Variants in CLVS1 observed in about 807,000 individuals in gnomAD.
The protein encoded by CLVS1 is clavesin 1, also known as clavesin-1.
A neutral mutation model predicts 33.1 loss-of-function variants in CLVS1; 10 were observed. That is an observed-to-expected ratio of 0.30 (90% CI 0.19 to 0.51). The LOEUF (loss-of-function observed/expected upper bound fraction) is 0.51. Ranked by LOEUF, CLVS1 falls within the 20% of genes least tolerant of loss-of-function variation. The pLI is 0.97. For missense variants in CLVS1, 343 were observed against 433.4 expected (o/e 0.79, Z 1.85); for synonymous variants, 163 against 166.1 (o/e 0.98, Z 0.14).
intron 1 of CLVS1, among the ~76,000 whole-genome samples, chr8:61,098,444 C>T (rs1011171162): frequency 1.3e-5 from 2 of 151,154 alleles, no homozygotes; most frequent in African/African-American, 4.9e-5. Context: ...TACTGGTTCT[C>T]TGCTATATCT....
chr8:61,311,179 A>G lies in CLVS1; in HGVS notation c.455+10897A>G, dbSNP rs115036500. Among the ~76,000 whole-genome samples the G allele has an allele frequency of 8.2e-4, 125 of 152,308 alleles. 1 individual carries two copies. The highest frequency in any genetic ancestry group is 3.1e-3 in the Admixed American group (48 of 15,300). ...ATATGTCTCTGCTGTGTGCTTCTGA[A>G]AAGCTGTTGATTGATGAGGGATGAA... On this transcript the variant is annotated intron_variant, in intron 2 of 5. Coordinates refer to ENST00000325897, the MANE Select transcript of CLVS1 (RefSeq NM_173519.3).
intron 2 of CLVS1, among the ~76,000 whole-genome samples, chr8:61,216,334 C>T (rs1808085678): frequency 2.0e-5 from 3 of 152,162 alleles, no homozygotes; most frequent in African/African-American, 4.8e-5. Context: ...TCTTGCTAGC[C>T]AAAAACATGC....
chr8:61,289,381 C>CAT (rs1342507576), intron 1 of CLVS1, among the ~76,000 whole-genome samples: 1 of 152,212 alleles, frequency 6.6e-6, no homozygotes, highest in Non-Finnish European at 1.5e-5. Flanking sequence ...AAGCCCAAGT[C>CAT]ATAGTCCCTA....
At position 61,190,770 on chromosome 8, in the gene CLVS1, C is replaced by G. The variant is rs187926349; in HGVS notation, c.-152+58910C>G. The stretch of plus-strand genomic sequence containing the variant: ...CCTCTATGCAAATAAACTAGAAAAT[C>G]TAGAAGAAATGCATAAATTCCTGGA... On this transcript the variant is annotated intron_variant, in intron 2 of 2. Transcript: ENST00000522621. Among the ~76,000 whole-genome samples the G allele has an allele frequency of 9.2e-5, 14 of 152,300 alleles. No homozygotes were observed. The East Asian group carries it at 2.7e-3, about 29-fold the overall frequency.
chr8:61,072,778 A>G (rs904230837), intron 1 of CLVS1, among the ~76,000 whole-genome samples: 13 of 152,356 alleles, frequency 8.5e-5, no homozygotes, highest in African/African-American at 2.2e-4. Context: ...ACCATGAACC[A>G]TAAGTATATG....
rs75433255 is a variant in CLVS1 at position 61,361,537 on chromosome 8, C to T, written c.456-15068C>T. Among the ~76,000 whole-genome samples, 1,411 of 152,304 alleles carry T rather than the reference C, an allele frequency of 9.3e-3. 16 individuals are homozygous for T. The highest frequency in any genetic ancestry group is 0.015 in the Non-Finnish European group (1,013 of 68,020). The stretch of plus-strand genomic sequence containing the variant: ...TTGACACAACTGTCTGCCTTGGCTG[C>T]AGAGAAAGCTCATTAGGTCAAATGG... On this transcript the variant is annotated intron_variant, in intron 2 of 5. Coordinates refer to ENST00000325897, the MANE Select transcript of CLVS1 (RefSeq NM_173519.3).
intron 3 of CLVS1, among the ~76,000 whole-genome samples, chr8:61,388,731 A>G (rs1814182947): frequency 6.6e-6 from 1 of 152,162 alleles, no homozygotes; most frequent in Non-Finnish European, 1.5e-5. Context: ...CAGGCTAATT[A>G]GCATATCAGT....
At chr8:61,486,098 AAAAT>A (rs57652285) in intron 5 of CLVS1, among the ~76,000 whole-genome samples, 1,539 of 150,282 alleles carry the variant, frequency 0.01, 14 homozygotes, top group African/African-American at 0.034. Flanking sequence ...AAGTATAATT[AAAAT>A]AAATAAATAA....
At chr8:61,415,690 A>G in intron 3 of CLVS1, among the ~76,000 whole-genome samples, 1 of 152,092 alleles carries the variant, frequency 6.6e-6, no homozygotes, top group Non-Finnish European at 1.5e-5. Flanking sequence ...TAAATGCTCC[A>G]TGCTGTTTGC....
At chr8:61,453,475 C>A (rs1817035175) in intron 3 of CLVS1, among the ~76,000 whole-genome samples, 1 of 152,058 alleles carries the variant, frequency 6.6e-6, no homozygotes, top group Non-Finnish European at 1.5e-5. Context: ...TGCTCATATT[C>A]CCTCAACTAG....
intron 2 of CLVS1, chr8:61,202,229 A>G (rs752869400): frequency 6.2e-6 from 3 of 483,962 alleles, no homozygotes; most frequent in Non-Finnish European, 1.1e-5. Context: ...TTTCTTTATC[A>G]TGGCTAGCAG....
intron 2 of CLVS1, among the ~76,000 whole-genome samples, chr8:61,222,986 T>C (rs576634528): frequency 1.7e-4 from 19 of 108,580 alleles, no homozygotes; most frequent in Non-Finnish European, 3.2e-4. Context: ...GAGACTAGGA[T>C]TGCAAAAAAA....
intron 1 of CLVS1, among the ~76,000 whole-genome samples, chr8:61,061,929 C>T (rs1020716973): frequency 6.6e-6 from 1 of 151,968 alleles, no homozygotes; most frequent in African/African-American, 2.4e-5. Flanking sequence ...GTTTTGCCTT[C>T]TATTATGTTT....
intron 3 of CLVS1, among the ~76,000 whole-genome samples, chr8:61,444,231 G>A (rs564719782): frequency 5.5e-4 from 83 of 152,086 alleles, no homozygotes; most frequent in African/African-American, 1.9e-3. Flanking sequence ...TTCTTTTCTT[G>A]TCTTATTGCT....
intron 2 of CLVS1, among the ~76,000 whole-genome samples, chr8:61,142,444 C>T (rs553312977): frequency 6.6e-6 from 1 of 152,276 alleles, no homozygotes; most frequent in East Asian, 1.9e-4. Flanking sequence ...TGGACTAATA[C>T]AATTGGGACG....
At chr8:61,161,705 G>A (rs1326302773) in intron 2 of CLVS1, among the ~76,000 whole-genome samples, 1 of 152,198 alleles carries the variant, frequency 6.6e-6, no homozygotes, top group African/African-American at 2.4e-5. Context: ...GAATGAATAA[G>A]TTCTAGAGAT....
At chr8:61,418,493 G>C (rs1815530263) in intron 3 of CLVS1, among the ~76,000 whole-genome samples, 1 of 151,972 alleles carries the variant, frequency 6.6e-6, no homozygotes, top group East Asian at 1.9e-4. Flanking sequence ...TCTGCTATAG[G>C]CAATACACAT....
the CLVS1 span, among the ~76,000 whole-genome samples, chr8:61,049,930 A>G: frequency 6.6e-6 from 1 of 152,252 alleles, no homozygotes; most frequent in Non-Finnish European, 1.5e-5. Context: ...TTATTCTGTG[A>G]ACAAAATTCT....
At chr8:61,191,485 C>T (rs1275447915) in intron 2 of CLVS1, among the ~76,000 whole-genome samples, 1 of 152,288 alleles carries the variant, frequency 6.6e-6, no homozygotes, top group Non-Finnish European at 1.5e-5. Context: ...TGTGCTCTCT[C>T]ACAACTCCTA....
Sources: allele counts gnomAD v4.1 joint callset (sites outside exome capture counted in the v4.1 genomes callset), GRCh38; gene constraint gnomAD v4.1.1; transcripts MANE v1.5; gene names NCBI Gene and HGNC (gene_info 2026-07-23, HGNC 2026-07-21).